The following PPP1R14C variants were observed in gnomAD, a reference collection of about 807,000 sequenced individuals.
PPP1R14C encodes the protein protein phosphatase 1 regulatory inhibitor subunit 14C, also known as protein phosphatase 1 regulatory subunit 14C.
Under a neutral mutation model 20.4 loss-of-function variants are expected in PPP1R14C, and 16 were observed. The observed-to-expected ratio is 0.78, with a 90% CI of 0.53 to 1.19. The LOEUF (loss-of-function observed/expected upper bound fraction) is 1.19, where lower values mean the gene tolerates loss of function less well. PPP1R14C is among the 50% of genes most tolerant of loss of function. The pLI is 0.00. For synonymous variants in PPP1R14C, 91 were observed against 91.0 expected (o/e 1.00, Z 0.00); for missense variants, 211 against 220.1 (o/e 0.96, Z 0.26).
chr6:150,230,919 G>T (rs533482957), intron 3 of PPP1R14C, among the ~76,000 whole-genome samples: 1 of 152,222 alleles, frequency 6.6e-6, no homozygotes. Context: ...AGGAACAGAT[G>T]AATTACTTTG....
At chr6:150,198,402 G>C (rs1472651662) in intron 1 of PPP1R14C, among the ~76,000 whole-genome samples, 1 of 152,366 alleles carries the variant, frequency 6.6e-6, no homozygotes, top group African/African-American at 2.4e-5. Flanking sequence ...CTGTGGCTGC[G>C]TGGTTGTCAG....
chr6:150,179,956 GT>G (rs886237775), intron 1 of PPP1R14C, among the ~76,000 whole-genome samples: 4 of 152,160 alleles, frequency 2.6e-5, no homozygotes, highest in Non-Finnish European at 5.9e-5. Context: ...AATTCCAGCT[GT>G]TTGGGAGGCC....
intron 1 of PPP1R14C, among the ~76,000 whole-genome samples, chr6:150,191,147 C>T (rs541810723): frequency 1.6e-4 from 25 of 152,204 alleles, no homozygotes; most frequent in African/African-American, 5.8e-4. Flanking sequence ...TACATGGTTC[C>T]CTCCCTCACC....
intron 1 of PPP1R14C, among the ~76,000 whole-genome samples, chr6:150,206,896 G>A (rs1347743291): frequency 2.0e-5 from 3 of 150,014 alleles, no homozygotes; most frequent in Admixed American, 6.6e-5. Context: ...ACAGAGTCTC[G>A]CTCTGTTGTC....
At chr6:150,190,852 C>A (rs949840927) in intron 1 of PPP1R14C, among the ~76,000 whole-genome samples, 1 of 152,168 alleles carries the variant, frequency 6.6e-6, no homozygotes, top group African/African-American at 2.4e-5. Flanking sequence ...ACTTTTGCAG[C>A]CCCTACCTGC....
rs760955971 is a variant in PPP1R14C at position 150,143,210 on chromosome 6, C to A, written c.18C>A (p.Gly6=). The A allele has an allele frequency of 7.3e-7, 1 of 1,360,806 alleles. No individual in the cohort carries two copies. Among genetic ancestry groups the A allele is most frequent in the Non-Finnish European group, 9.4e-7 (1 of 1,067,328 alleles). The allele number at this position is 1,360,806 out of a possible 1,614,324, so 84.3% of individuals were successfully genotyped here. A position where few individuals can be genotyped will look rare whatever the true frequency, so the allele number is the denominator to read the frequency against. The change falls in exon 1 of 4, where the codon GGC becomes GGA. Residue 6 remains glycine, a synonymous_variant. Transcript: ENST00000361131. The surrounding 1 kb of genome is among the most constrained non-coding windows in gnomAD (Gnocchi z 5.6). MSVAT[G]SSETAGGASG... is the part of the protein sequence containing the mutation. ...GCGGGGACATGTCGGTGGCGACGGG[C>A]AGCAGCGAGACGGCCGGCGGGGCCA...
Position 150,143,210 on chromosome 6 carries a change from C to T in PPP1R14C, c.18C>T (p.Gly6=), listed in dbSNP as rs760955971. The T allele has an allele frequency of 7.4e-4, 1,012 of 1,360,806 alleles. 6 individuals carry two copies. The African/African-American group carries it at 0.015, about 20-fold the overall frequency. The allele number at this position is 1,360,806 out of a possible 1,614,324, so 84.3% of individuals were successfully genotyped here. The change falls in exon 1 of 4, where the codon GGC becomes GGT. Residue 6 remains glycine (G), a synonymous_variant. Transcript: ENST00000361131. This position sits in a 1 kb window ranked among gnomAD's most constrained non-coding sequence, Gnocchi z 5.6. MSVAT[G]SSETAGGASG... ...GCGGGGACATGTCGGTGGCGACGGG[C>T]AGCAGCGAGACGGCCGGCGGGGCCA...
At chr6:150,178,970 A>G (rs1235215113) in intron 1 of PPP1R14C, among the ~76,000 whole-genome samples, 1 of 152,148 alleles carries the variant, frequency 6.6e-6, no homozygotes, top group Non-Finnish European at 1.5e-5. Flanking sequence ...TTTGCTTTCT[A>G]TACTCTCCCT....
chr6:150,241,851 C>T (rs1314409645), intron 3 of PPP1R14C, among the ~76,000 whole-genome samples: 19 of 152,150 alleles, frequency 1.2e-4, no homozygotes, highest in Admixed American at 1.2e-3. Context: ...CATGCCATTG[C>T]ACTCCAGCCT....
chr6:150,230,413 G>T (rs1778280117), intron 3 of PPP1R14C, among the ~76,000 whole-genome samples: 1 of 152,198 alleles, frequency 6.6e-6, no homozygotes, highest in South Asian at 2.1e-4. Context: ...CTTGAAGGAA[G>T]TAACTGATCA....
chr6:150,218,330 G>C (rs910487082), intron 3 of PPP1R14C, among the ~76,000 whole-genome samples: 4 of 152,058 alleles, frequency 2.6e-5, no homozygotes, highest in African/African-American at 9.7e-5. Context: ...GTGAACCTGG[G>C]AGGCGGAGCT....
intron 1 of PPP1R14C, among the ~76,000 whole-genome samples, chr6:150,149,713 G>A (rs1777223880): frequency 1.3e-5 from 2 of 152,192 alleles, no homozygotes; most frequent in South Asian, 2.1e-4. Flanking sequence ...TGTTGTTATT[G>A]GAGCCACAAG....
intron 3 of PPP1R14C, among the ~76,000 whole-genome samples, chr6:150,245,378 G>C (rs934971729): frequency 1.3e-5 from 2 of 152,188 alleles, no homozygotes; most frequent in Non-Finnish European, 2.9e-5. Context: ...CTACTCCAGA[G>C]CCTCCAAGAG....
Position 150,143,372 on chromosome 6 carries a change from G to A in PPP1R14C, c.180G>A (p.Gln60=). The A allele has an allele frequency of 6.2e-7, 1 of 1,611,542 alleles. No individual in the cohort carries two copies. Reference sequence around the variant, plus strand: ...CGGCGGCCGCTGCAGGGCAGGTTCAGCAGCAACAGCAGCGGCGACACCAGC... The same window carrying A: ...CGGCGGCCGCTGCAGGGCAGGTTCAACAGCAACAGCAGCGGCGACACCAGC... ...VATAAAAGQV[Q]QQQQRRHQQG... is the part of the protein sequence containing the mutation. The change falls in exon 1 of 4, where the codon CAG becomes CAA. Residue 60 remains glutamine, a synonymous_variant. Coordinates refer to ENST00000361131, the MANE Select transcript of PPP1R14C (RefSeq NM_030949.3). This position sits in a 1 kb window ranked among gnomAD's most constrained non-coding sequence, Gnocchi z 5.6.
At chr6:150,166,889 G>T (rs1275149846) in intron 1 of PPP1R14C, among the ~76,000 whole-genome samples, 1 of 152,202 alleles carries the variant, frequency 6.6e-6, no homozygotes, top group Non-Finnish European at 1.5e-5. Context: ...TTGAAGTCAG[G>T]AATTTTGTAA....
intron 1 of PPP1R14C, among the ~76,000 whole-genome samples, chr6:150,176,794 G>C (rs147383746): frequency 6.6e-6 from 1 of 152,356 alleles, no homozygotes; most frequent in Non-Finnish European, 1.5e-5. Flanking sequence ...GGTTTGCAGA[G>C]GGCCTGAAGG....
At chr6:150,192,084 C>A (rs1254861011) in intron 1 of PPP1R14C, among the ~76,000 whole-genome samples, 2 of 152,186 alleles carry the variant, frequency 1.3e-5, no homozygotes, top group Non-Finnish European at 1.5e-5. Context: ...CCTCACACAG[C>A]ATGAAATTCC....
chr6:150,171,255 G>T (rs1777496034), intron 1 of PPP1R14C, among the ~76,000 whole-genome samples: 1 of 152,208 alleles, frequency 6.6e-6, no homozygotes, highest in Admixed American at 6.5e-5. Context: ...GTGTTTGACA[G>T]CTGGCTTATA....
chr6:150,231,682 A>G (rs1244821497), intron 3 of PPP1R14C, among the ~76,000 whole-genome samples: 2 of 152,238 alleles, frequency 1.3e-5, no homozygotes, highest in African/African-American at 4.8e-5. Flanking sequence ...TGTGGGGGTG[A>G]CAAGTATGCA....
Sources: allele counts gnomAD v4.1 joint callset (sites outside exome capture counted in the v4.1 genomes callset), GRCh38; gene constraint gnomAD v4.1.1; non-coding constraint Gnocchi (gnomAD v3.1); transcripts MANE v1.5; gene names NCBI Gene and HGNC (gene_info 2026-07-23, HGNC 2026-07-21).